Variants in TULP4 observed in about 807,000 individuals in gnomAD.
The protein encoded by TULP4 is TUB like protein 4, also known as tubby-related protein 4.
In TULP4, 16 loss-of-function variants were observed where a neutral mutation model predicts 129.0. The ratio of observed to expected loss-of-function variants is 0.12; its 90% confidence interval spans 0.08 to 0.19. TULP4 has a LOEUF of 0.19. Among genes scored for constraint, TULP4 ranks in the 10% least tolerant of loss-of-function variants. The pLI is 1.00. For missense variants in TULP4, 1,842 were observed against 2,059.1 expected (o/e 0.89, Z 2.04); for synonymous variants, 998 against 854.0 (o/e 1.17, Z -2.94).
Position 158,338,450 on chromosome 6 carries a change from G to T in TULP4, c.252+24182G>T, listed in dbSNP as rs9457349. 5.5e-3 allele frequency among the ~76,000 whole-genome samples: 844 copies of T among 152,316 alleles called. 7 individuals are homozygous for T. The highest frequency in any genetic ancestry group is 0.019 in the African/African-American group (775 of 41,568). On this transcript the variant is annotated intron_variant, in intron 1 of 13. Coordinates refer to ENST00000367097, the MANE Select transcript of TULP4 (RefSeq NM_020245.5). ...ACCTTATTTTGGACACTCTCATGCA[G>T]CCAGCTTATTGAAGTGCATGTCTCA... is the stretch of plus-strand genomic sequence containing the variant.
intron 1 of TULP4, among the ~76,000 whole-genome samples, chr6:158,291,558 T>C (rs1289526647): frequency 6.6e-6 from 1 of 152,128 alleles, no homozygotes; most frequent in Non-Finnish European, 1.5e-5. Context: ...ATTGTGCTGC[T>C]TCTTGTGTCT....
At chr6:158,332,482 G>A (rs1257812837) in intron 1 of TULP4, among the ~76,000 whole-genome samples, 1 of 152,056 alleles carries the variant, frequency 6.6e-6, no homozygotes, top group African/African-American at 2.4e-5. Context: ...TGGTAGTGGT[G>A]GAGTGTGGGC....
intron 1 of TULP4, among the ~76,000 whole-genome samples, chr6:158,264,283 C>A (rs1040359800): frequency 5.3e-5 from 8 of 152,050 alleles, no homozygotes; most frequent in Admixed American, 6.6e-5. Context: ...TGGCGTGTGT[C>A]GTTGCTTAAA....
intron 1 of TULP4, among the ~76,000 whole-genome samples, chr6:158,258,831 TTCACG>T (rs569969830): frequency 7.5e-4 from 114 of 152,364 alleles, no homozygotes; most frequent in African/African-American, 2.5e-3. Context: ...ATAGCTTATT[TTCACG>T]TCAGCATTAT....
intron 1 of TULP4, among the ~76,000 whole-genome samples, chr6:158,247,595 T>C (rs1156377064): frequency 6.6e-6 from 1 of 152,246 alleles, no homozygotes; most frequent in Admixed American, 6.5e-5. Context: ...TTGAGTCAGT[T>C]ATACCTCTGA....
intron 1 of TULP4, among the ~76,000 whole-genome samples, chr6:158,399,338 A>G (rs993042022): frequency 1.3e-5 from 2 of 152,230 alleles, no homozygotes; most frequent in Non-Finnish European, 2.9e-5. Flanking sequence ...CTGTTTCAGC[A>G]TTTTACATGA....
chr6:158,444,003 A>T, intron 3 of TULP4, among the ~76,000 whole-genome samples: 1 of 151,938 alleles, frequency 6.6e-6, no homozygotes, highest in South Asian at 2.1e-4. Context: ...GCGGATCACA[A>T]GGTCAGGAGA....
chr6:158,495,823 C>T (rs1313837907), intron 11 of TULP4, among the ~76,000 whole-genome samples: 2 of 150,064 alleles, frequency 1.3e-5, no homozygotes, highest in South Asian at 2.1e-4. Flanking sequence ...CTGGGCAACA[C>T]GAGCGAAACT....
At position 158,247,329 on chromosome 6, in the gene TULP4, A is replaced by G. The variant is rs76960623; in HGVS notation, n.68+15026A>G. On this transcript the variant is annotated intron_variant and non_coding_transcript_variant, in intron 1 of 1. Coordinates refer to the TULP4 transcript ENST00000620026. The stretch of plus-strand genomic sequence containing the variant: ...CATGGTTTATGAAACATTTTTTAAG[A>G]TTTTTATGAAAGAAAGCTATGAAGT... Among the ~76,000 whole-genome samples the G allele has an allele frequency of 9.2e-3, 1,396 of 152,264 alleles. 12 individuals are homozygous for G. Among genetic ancestry groups the G allele is most frequent in the Non-Finnish European group, 0.015 (1,005 of 68,014 alleles).
intron 1 of TULP4, among the ~76,000 whole-genome samples, chr6:158,297,282 T>A (rs769163081): frequency 1.3e-5 from 2 of 152,230 alleles, no homozygotes; most frequent in Non-Finnish European, 2.9e-5. Flanking sequence ...GTATTCTGCC[T>A]GACCCCGCAG....
rs1777940905 is a variant in TULP4, at chr6:158,242,416, G to A, written n.68+10113G>A. The A allele has an allele frequency of 1.0e-5, 13 of 1,266,204 alleles. No individual in the cohort carries two copies. The South Asian group carries it at 1.1e-4, about 10-fold the overall frequency. The allele number at this position is 1,266,204 out of a possible 1,614,324, so 78.4% of individuals were successfully genotyped here. A position where few individuals can be genotyped will look rare whatever the true frequency, so the allele number is the denominator to read the frequency against. On this transcript the variant is annotated intron_variant and non_coding_transcript_variant, in intron 1 of 1. Coordinates refer to the TULP4 transcript ENST00000620026. Reference sequence around the variant, plus strand: ...TCATCATAAGCATCGTGGGAGTTTCGGACGAGATCTCTTTATGCCACTAAG... The same window carrying A: ...TCATCATAAGCATCGTGGGAGTTTCAGACGAGATCTCTTTATGCCACTAAG...
intron 1 of TULP4, among the ~76,000 whole-genome samples, chr6:158,335,090 A>T (rs999078341): frequency 2.0e-5 from 3 of 152,248 alleles, no homozygotes; most frequent in African/African-American, 7.2e-5. Flanking sequence ...AGCCTGGCCA[A>T]CATGGTGAAA....
At chr6:158,412,955 C>T (rs913310208) in intron 1 of TULP4, 110 bp from the exon 2 acceptor site, 16 of 1,428,022 alleles carry the variant, frequency 1.1e-5, no homozygotes, top group Non-Finnish European at 1.5e-5. Context: ...CCCCAGTCTT[C>T]TCCCTTTATT....
At chr6:158,379,889 G>A (rs1364753582) in intron 1 of TULP4, among the ~76,000 whole-genome samples, 1 of 152,160 alleles carries the variant, frequency 6.6e-6, no homozygotes, top group Non-Finnish European at 1.5e-5. Context: ...GAGTTAGGGA[G>A]GAGATACAGG....
chr6:158,440,228 G>A (rs894888703), intron 3 of TULP4, among the ~76,000 whole-genome samples: 14 of 150,726 alleles, frequency 9.3e-5, no homozygotes, highest in African/African-American at 3.2e-4. Flanking sequence ...TGAGGTGGGA[G>A]GACTGCTTGA....
intron 2 of TULP4, among the ~76,000 whole-genome samples, chr6:158,414,355 A>C (rs190968941): frequency 9.6e-6 from 1 of 104,134 alleles, no homozygotes; most frequent in Non-Finnish European, 2.6e-5. Flanking sequence ...GAGCTCTGGA[A>C]TCAGACAATG....
intron 6 of TULP4, among the ~76,000 whole-genome samples, chr6:158,472,744 G>A (rs1562581098): frequency 1.3e-5 from 2 of 152,220 alleles, no homozygotes; most frequent in Non-Finnish European, 1.5e-5. Flanking sequence ...TGCCTGGGAC[G>A]AACTTGCAGC....
chr6:158,322,377 C>G (rs1779660244), intron 1 of TULP4, among the ~76,000 whole-genome samples: 1 of 152,052 alleles, frequency 6.6e-6, no homozygotes, highest in Admixed American at 6.5e-5. Context: ...CCAAGAAGTT[C>G]TAGCTTTACC....
At chr6:158,427,986 GGTGGT>G (rs1778539654) in intron 2 of TULP4, 2 of 152,166 alleles carry the variant, frequency 1.3e-5, no homozygotes, top group Non-Finnish European at 1.5e-5. Flanking sequence ...TGGGTGTGGT[GGTGGT>G]GCGTGCCTGT....
Sources: gnomAD v4.1 joint callset for allele counts (sites outside exome capture counted in the v4.1 genomes callset) on GRCh38, gnomAD v4.1.1 for gene constraint, MANE v1.5 for transcripts, NCBI Gene and HGNC (gene_info 2026-07-23, HGNC 2026-07-21) for gene names.